ANK2: variants seen among roughly 807,000 people sequenced by gnomAD.
ANK2 encodes ankyrin-2.
A neutral mutation model predicts 360.5 loss-of-function variants in ANK2; 83 were observed. The observed-to-expected ratio is 0.23, with a 90% CI of 0.19 to 0.28. The LOEUF (loss-of-function observed/expected upper bound fraction) is 0.28. Among genes scored for constraint, ANK2 ranks in the 10% least tolerant of loss-of-function variants. The pLI is 1.00. For synonymous variants in ANK2, 1,740 were observed against 1,759.5 expected (o/e 0.99, Z 0.28); for missense variants, 4,201 against 4,795.7 (o/e 0.88, Z 3.66).
chr4:113,260,201 C>G (rs916824318), intron 13 of ANK2, among the ~76,000 whole-genome samples: 8 of 152,230 alleles, frequency 5.3e-5, no homozygotes, highest in Non-Finnish European at 1.2e-4. Flanking sequence ...TCTTCACTGA[C>G]CAATTCCAAA....
At chr4:113,278,317 T>G in intron 16 of ANK2, 143 bp from the exon 17 acceptor site, 3 of 734,026 alleles carry the variant, frequency 4.1e-6, no homozygotes, top group Admixed American at 2.2e-5. Flanking sequence ...TATTAGGGAT[T>G]TGTTTATTTT....
intron 1 of ANK2, among the ~76,000 whole-genome samples, chr4:113,134,354 G>T (rs1338383444): frequency 8.4e-6 from 1 of 119,182 alleles, no homozygotes; most frequent in Non-Finnish European, 1.7e-5. Context: ...AAAGTAAAAT[G>T]AAAAAGGAGG....
intron 1 of ANK2, among the ~76,000 whole-genome samples, chr4:112,895,024 A>T (rs1317985877): frequency 6.6e-6 from 1 of 152,230 alleles, no homozygotes; most frequent in African/African-American, 2.4e-5. Context: ...CATTAGACAC[A>T]TTTTGTGCAG....
chr4:113,118,449 A>G (rs1582107476), intron 1 of ANK2, among the ~76,000 whole-genome samples: 1 of 151,876 alleles, frequency 6.6e-6, no homozygotes. Flanking sequence ...AATTTGGGGG[A>G]TGTTGTCTTT....
intron 1 of ANK2, among the ~76,000 whole-genome samples, chr4:113,091,409 A>G (rs1050042466): frequency 6.6e-6 from 1 of 152,178 alleles, no homozygotes; most frequent in Non-Finnish European, 1.5e-5. Flanking sequence ...TCTTTAAGAG[A>G]TGTGATATTT....
intron 45 of ANK2, chr4:113,373,710 G>C (rs1459005085): frequency 3.3e-6 from 2 of 614,518 alleles, no homozygotes; most frequent in Non-Finnish European, 6.0e-6. Context: ...ATTCATGGTT[G>C]ACCACTGCAG....
At chr4:112,927,683 A>G (rs1431190129) in intron 2 of ANK2, among the ~76,000 whole-genome samples, 2 of 152,204 alleles carry the variant, frequency 1.3e-5, no homozygotes, top group Non-Finnish European at 2.9e-5. Context: ...TGGTTACATC[A>G]TAGTCATTCT....
chr4:113,341,867 T>C lies in ANK2; in HGVS notation c.4073T>C (p.Leu1358Pro). 1 of 1,613,988 alleles carries C rather than the reference T, an allele frequency of 6.2e-7. No homozygotes were observed. Among genetic ancestry groups the C allele is most frequent in the Non-Finnish European group, 8.5e-7 (1 of 1,180,008 alleles). Residue 1358 changes from leucine (L) to proline (P), a missense_variant, in exon 33 of 46, where the codon CTT becomes CCT. By Grantham distance (98) the Leu-to-Pro change is moderately conservative. Transcript: ENST00000357077. ...CMTDDKVDKT[L>P]EQQENFAEVA... ...ACTGATGATAAAGTGGATAAGACCCTTGAACAACAAGAAAATTTTGCTGAG... is the reference window on the plus strand; with the variant it reads ...ACTGATGATAAAGTGGATAAGACCCCTGAACAACAAGAAAATTTTGCTGAG...
chr4:113,086,384 CTT>C (rs1264509178), intron 1 of ANK2, among the ~76,000 whole-genome samples: 1 of 152,146 alleles, frequency 6.6e-6, no homozygotes, highest in African/African-American at 2.4e-5. Context: ...ATGTTCTAGT[CTT>C]TATTTATATT....
chr4:113,113,318 C>T (rs2094478022), intron 1 of ANK2, among the ~76,000 whole-genome samples: 1 of 152,044 alleles, frequency 6.6e-6, no homozygotes, highest in Non-Finnish European at 1.5e-5. Flanking sequence ...GCTGCTTCTC[C>T]TGGGCAGGGC....
the ANK2 span, among the ~76,000 whole-genome samples, chr4:112,778,184 G>C: frequency 2.6e-5 from 4 of 151,464 alleles, no homozygotes; most frequent in Admixed American, 2.6e-4. Flanking sequence ...TGACCAGGCT[G>C]GTCTTGAACT....
At chr4:113,069,571 C>T (rs2076824905) in intron 1 of ANK2, among the ~76,000 whole-genome samples, 1 of 152,162 alleles carries the variant, frequency 6.6e-6, no homozygotes, top group South Asian at 2.1e-4. Flanking sequence ...TATCTGATAC[C>T]TTAAATGGAG....
At chr4:113,088,908 G>A (rs546900669) in intron 1 of ANK2, among the ~76,000 whole-genome samples, 336 of 152,176 alleles carry the variant, frequency 2.2e-3, no homozygotes, top group Non-Finnish European at 3.1e-3. Flanking sequence ...ATTTAAACAT[G>A]TCATTTGATA....
chr4:113,295,801 G>C (rs759750028), intron 22 of ANK2, among the ~76,000 whole-genome samples: 3 of 152,078 alleles, frequency 2.0e-5, no homozygotes, highest in Non-Finnish European at 4.4e-5. Flanking sequence ...TACATGTTTC[G>C]ATGCTGGTCT....
chr4:112,923,438 ATT>A (rs1039448577), intron 2 of ANK2, among the ~76,000 whole-genome samples: 1 of 145,576 alleles, frequency 6.9e-6, no homozygotes, highest in African/African-American at 2.5e-5. Flanking sequence ...ATGTTGCTGT[ATT>A]TTTTTTTTTT....
intron 29 of ANK2, among the ~76,000 whole-genome samples, chr4:113,333,550 A>C (rs2092955418): frequency 6.6e-6 from 1 of 152,200 alleles, no homozygotes; most frequent in South Asian, 2.1e-4. Context: ...TTGCTTCATA[A>C]CGAAATGAAC....
In ANK2 at chr4:112,966,507, A is replaced by G. The variant is rs1020119376; in HGVS notation, c.21+61993A>G. Reference sequence around the variant, plus strand: ...TTTTAAAAGCAATTTAAAATCATATATAAAAATTAATCTTTTAACTTAATT... The same window carrying G: ...TTTTAAAAGCAATTTAAAATCATATGTAAAAATTAATCTTTTAACTTAATT... On this transcript the variant is annotated intron_variant, in intron 2 of 30. Transcript: ENST00000503271. Among the ~76,000 whole-genome samples, 8 of 152,054 alleles carry G rather than the reference A, an allele frequency of 5.3e-5. No individual in the cohort carries two copies. In the East Asian group the frequency reaches 1.3e-3, roughly 26 times the overall value.
rs118148584 is a variant in ANK2, at chr4:113,145,951, C to T, written c.85-28465C>T. ...GGAAACATGCAGGAACTGGATAAAA[C>T]CCCAGACTACTATGGCTGTAACAGT... On this transcript the variant is annotated intron_variant, in intron 1 of 45. Transcript: ENST00000357077. 335 of 1,289,810 alleles carry T rather than the reference C, an allele frequency of 2.6e-4. 3 individuals are homozygous for T. In the East Asian group the frequency reaches 3.7e-3, roughly 14 times the overall value. The allele number at this position is 1,289,810 out of a possible 1,614,324, so 79.9% of individuals were successfully genotyped here.
chr4:113,343,260 A>T (rs762062559), intron 34 of ANK2, 118 bp downstream of exon 34: 5 of 1,189,444 alleles, frequency 4.2e-6, no homozygotes, highest in Non-Finnish European at 5.9e-6. Flanking sequence ...CTTTTTAACC[A>T]TATTTGTAAC....
Sources: allele counts gnomAD v4.1 joint callset (sites outside exome capture counted in the v4.1 genomes callset), GRCh38; gene constraint gnomAD v4.1.1; transcripts MANE v1.5; gene names NCBI Gene and HGNC (gene_info 2026-07-23, HGNC 2026-07-21).